Variants in AKAP7 observed in about 807,000 individuals in gnomAD.
AKAP7 encodes the protein A kinase (PRKA) anchor protein 7.
A neutral mutation model predicts 39.5 loss-of-function variants in AKAP7; 39 were observed. The ratio of observed to expected loss-of-function variants is 0.99; its 90% CI spans 0.76 to 1.29. The LOEUF is 1.29. AKAP7 is among the 50% of genes most tolerant of loss of function. The probability of loss-of-function intolerance (pLI) is 0.00; values close to 1 mark genes in which losing one functional copy is unlikely to be tolerated. For missense variants in AKAP7, 414 were observed against 407.7 expected, an observed-to-expected ratio of 1.02 and a Z score of -0.13; for synonymous variants, 140 against 139.1, an observed-to-expected ratio of 1.01 and a Z score of -0.05.
chr6:131,181,306 G>A (rs1031126047), intron 5 of AKAP7, among the ~76,000 whole-genome samples: 15 of 152,242 alleles, frequency 9.9e-5, no homozygotes, highest in African/African-American at 2.6e-4. Flanking sequence ...ATCAAGAAAT[G>A]TAGGTGTCAT....
chr6:131,139,260 G>A (rs1800826367), intron 1 of AKAP7, among the ~76,000 whole-genome samples: 1 of 152,222 alleles, frequency 6.6e-6, no homozygotes, highest in African/African-American at 2.4e-5. Context: ...TTTGAAAGTG[G>A]CACTCCTTTT....
At chr6:131,165,822 T>G (rs1381719663) in intron 4 of AKAP7, among the ~76,000 whole-genome samples, 4 of 152,150 alleles carry the variant, frequency 2.6e-5, no homozygotes, top group Non-Finnish European at 5.9e-5. Context: ...GGAAGAAACC[T>G]TGTTCTTCCC....
In AKAP7 at chr6:131,218,520, A is replaced by T. The variant is rs540911976; in HGVS notation, c.703-1141A>T. ...TGATTTAATATTTTTGCTTTTATAA[A>T]TTTTTTCCCATTAACTAGTTTTCTA... On this transcript the variant is annotated intron_variant, in intron 6 of 7. Transcript: ENST00000431975. 1.1e-4 allele frequency among the ~76,000 whole-genome samples: 17 copies of T among 152,338 alleles called. No homozygotes were observed. In the East Asian group the frequency reaches 2.5e-3, roughly 22 times the overall value.
At chr6:131,154,520 A>G (rs1246550528) in intron 2 of AKAP7, among the ~76,000 whole-genome samples, 3 of 142,772 alleles carry the variant, frequency 2.1e-5, no homozygotes, top group Non-Finnish European at 4.5e-5. Flanking sequence ...TTTGAAGCAT[A>G]TATTAGAGAA....
intron 7 of AKAP7, chr6:131,241,980 C>G (rs1243187877): frequency 1.2e-6 from 1 of 869,488 alleles, no homozygotes; most frequent in African/African-American, 1.8e-5. Context: ...TAAAGAAACA[C>G]AGAGTATATT....
At chr6:131,131,748 G>C (rs1193082123), upstream of AKAP7, among the ~76,000 whole-genome samples, 3 of 152,072 alleles carry the variant, frequency 2.0e-5, no homozygotes, top group Non-Finnish European at 2.9e-5. Flanking sequence ...CCTAACCCAA[G>C]TAGAAGGGTG....
upstream of AKAP7, among the ~76,000 whole-genome samples, chr6:131,134,634 T>TA (rs1330043459): frequency 1.3e-5 from 2 of 152,214 alleles, no homozygotes; most frequent in African/African-American, 4.8e-5. Context: ...TACCAGCCCA[T>TA]AAATGGGCAT....
At chr6:131,207,767 T>C (rs1808272588) in intron 6 of AKAP7, among the ~76,000 whole-genome samples, 1 of 152,018 alleles carries the variant, frequency 6.6e-6, no homozygotes, top group Non-Finnish European at 1.5e-5. Flanking sequence ...TTAAAGAATA[T>C]TCCTTCATTC....
intron 4 of AKAP7, among the ~76,000 whole-genome samples, chr6:131,168,837 G>T (rs1803755850): frequency 6.6e-6 from 1 of 151,878 alleles, no homozygotes; most frequent in South Asian, 2.1e-4. Flanking sequence ...TATTTCACTT[G>T]GTTAAAAATC....
intron 6 of AKAP7, chr6:131,200,758 T>C (rs772236840): frequency 2.0e-5 from 3 of 152,182 alleles, no homozygotes; most frequent in Non-Finnish European, 2.9e-5. Flanking sequence ...GTGTAAATGA[T>C]AGATTTTGAA....
At chr6:131,146,913 CAAG>C (rs1801532385) in intron 2 of AKAP7, among the ~76,000 whole-genome samples, 1 of 152,190 alleles carries the variant, frequency 6.6e-6, no homozygotes, top group African/African-American at 2.4e-5. Context: ...TCTTGAACGT[CAAG>C]AAGCTCCCAG....
chr6:131,252,478 C>G (rs1353738245), intron 7 of AKAP7, among the ~76,000 whole-genome samples: 1 of 152,178 alleles, frequency 6.6e-6, no homozygotes, highest in Non-Finnish European at 1.5e-5. Context: ...CGTTCACACT[C>G]CCCATGGAAA....
intron 7 of AKAP7, among the ~76,000 whole-genome samples, chr6:131,225,345 A>G (rs748214848): frequency 6.6e-6 from 1 of 152,018 alleles, no homozygotes; most frequent in Non-Finnish European, 1.5e-5. Flanking sequence ...CACAGGGTAC[A>G]TTGCTTTGAA....
rs975404593 is a variant in AKAP7, at chr6:131,237,904, C to T, written c.850+18096C>T. Among the ~76,000 whole-genome samples, 210 of 152,066 alleles carry T rather than the reference C, an allele frequency of 1.4e-3. 2 individuals are homozygous for T. Among genetic ancestry groups the T allele is most frequent in the African/African-American group, 4.9e-3 (203 of 41,396 alleles). ...TGAAGGGTTTTTGTGTCTCTATTTC[C>T]TTCAGTTCTGCTCTGATCTTAGTTA... On this transcript the variant is annotated intron_variant, in intron 7 of 7. Coordinates refer to ENST00000431975, the MANE Select transcript of AKAP7 (RefSeq NM_016377.4).
intron 7 of AKAP7, among the ~76,000 whole-genome samples, chr6:131,276,380 C>T (rs377623238): frequency 3.9e-5 from 6 of 151,906 alleles, no homozygotes; most frequent in Admixed American, 3.3e-4. Flanking sequence ...GTCCCGGGAC[C>T]GTGTCAGTTT....
chr6:131,238,584 G>A (rs538860696), intron 7 of AKAP7, among the ~76,000 whole-genome samples: 4 of 152,098 alleles, frequency 2.6e-5, no homozygotes, highest in African/African-American at 9.7e-5. Context: ...ATGAATCTGG[G>A]TGCTCCCATA....
chr6:131,184,095 A>G (rs1053012087), intron 5 of AKAP7, among the ~76,000 whole-genome samples: 1 of 152,192 alleles, frequency 6.6e-6, no homozygotes, highest in Non-Finnish European at 1.5e-5. Flanking sequence ...AACTGGGCCC[A>G]CAGGTATGCC....
upstream of AKAP7, among the ~76,000 whole-genome samples, chr6:131,131,755 G>T (rs1374985499): frequency 6.6e-6 from 1 of 152,050 alleles, no homozygotes; most frequent in Non-Finnish European, 1.5e-5. Flanking sequence ...CAAGTAGAAG[G>T]GTGGGGTCAG....
intron 5 of AKAP7, among the ~76,000 whole-genome samples, chr6:131,178,988 A>G (rs1464924580): frequency 1.3e-5 from 2 of 152,082 alleles, no homozygotes; most frequent in Admixed American, 6.6e-5. Flanking sequence ...TCTTCTGAAA[A>G]TGCCTGAGTG....
Sources: gnomAD v4.1 joint callset for allele counts (sites outside exome capture counted in the v4.1 genomes callset) on GRCh38, gnomAD v4.1.1 for gene constraint, MANE v1.5 for transcripts, NCBI Gene and HGNC (gene_info 2026-07-23, HGNC 2026-07-21) for gene names.